The following CHST10 variants were observed in gnomAD, a reference collection of about 807,000 sequenced individuals.
CHST10 encodes the protein carbohydrate sulfotransferase 10, also known as HNK-1 sulfotransferase.
CHST10 carries 24 observed loss-of-function variants against 34.7 expected under a neutral mutation model. The observed-to-expected ratio is 0.69, with a 90% CI of 0.50 to 0.97. The LOEUF (loss-of-function observed/expected upper bound fraction) is 0.97. Among genes scored for constraint, CHST10 ranks in the 50% least tolerant of loss-of-function variants. CHST10 has a pLI of 0.00. For missense variants in CHST10, 402 were observed against 452.1 expected (o/e 0.89, Z 1.00); for synonymous variants, 161 against 169.3 (o/e 0.95, Z 0.38).
At chr2:100,411,426 G>A (rs1285794227) in intron 2 of CHST10, among the ~76,000 whole-genome samples, 1 of 152,108 alleles carries the variant, frequency 6.6e-6, no homozygotes, top group Non-Finnish European at 1.5e-5. Flanking sequence ...TAAAAATTTA[G>A]AAAACTGGGA....
At chr2:100,402,510 G>T in intron 4 of CHST10, 54 bp downstream of exon 4, 2 of 1,490,136 alleles carry the variant, frequency 1.3e-6, no homozygotes, top group Non-Finnish European at 1.9e-6. Context: ...CCAGCTCCCC[G>T]CGACAAGGGT....
In CHST10 at chr2:100,417,544, G is replaced by C. The variant is rs2104286584; in HGVS notation, c.-274C>G. ...CCGCGCCGCGGCCCGTCGGGTCCCG[G>C]GATGTGGCGGCGGCGGCAGCGGAAG... On this transcript the variant is annotated 5_prime_UTR_variant, in exon 1 of 7. Transcript: ENST00000264249. The C allele has an allele frequency of 6.6e-6, 1 of 152,022 alleles. No homozygotes were observed. Among genetic ancestry groups the C allele is most frequent in the Admixed American group, 6.6e-5 (1 of 15,254 alleles). The allele number at this position is 152,022 out of a possible 1,614,324, so 9.4% of individuals were successfully genotyped here. A position where few individuals can be genotyped will look rare whatever the true frequency, so the allele number is the denominator to read the frequency against.
rs370903480 is a variant in CHST10, at chr2:100,414,362, T to TCACACA, written c.-33+673_-33+678dup. On this transcript the variant is annotated intron_variant, in intron 2 of 6. Coordinates refer to ENST00000264249, the MANE Select transcript of CHST10 (RefSeq NM_004854.5). ...ACACAGCCAGACTCTAAAGGAAACT[T>TCACACA]CACACACACACACACACACAAAAAC... 1.2e-3 allele frequency among the ~76,000 whole-genome samples: 187 copies of TCACACA among 150,370 alleles called. 2 individuals are homozygous for TCACACA. Among genetic ancestry groups the TCACACA allele is most frequent in the African/African-American group, 4.2e-3 (170 of 40,938 alleles).
At chr2:100,404,865 G>C (rs1379376067) in intron 3 of CHST10, among the ~76,000 whole-genome samples, 1 of 152,178 alleles carries the variant, frequency 6.6e-6, no homozygotes, top group Non-Finnish European at 1.5e-5. Context: ...TTCCATACCA[G>C]GAGGTGACAT....
intron 6 of CHST10, among the ~76,000 whole-genome samples, chr2:100,394,312 G>A (rs1025885411): frequency 5.3e-5 from 8 of 152,274 alleles, no homozygotes; most frequent in Admixed American, 3.3e-4. Flanking sequence ...GCAAGCGGGC[G>A]GCAGCAGAGC....
Position 100,402,550 on chromosome 2 carries a change from C to A in CHST10, c.192+14G>T, listed in dbSNP as rs200674507. 6.2e-7 allele frequency: 1 copy of A among 1,611,908 alleles called. No individual in the cohort carries two copies. The highest frequency in any genetic ancestry group is 1.7e-5 in the Admixed American group (1 of 60,018). On this transcript the variant is annotated intron_variant, in intron 4 of 6. Transcript: ENST00000264249. Reference sequence around the variant, plus strand: ...TGTTCAAGAGGACAAGGACCACGGCCTGGCTGTGCCCACCTTCAGTTCCTC... The same window carrying A: ...TGTTCAAGAGGACAAGGACCACGGCATGGCTGTGCCCACCTTCAGTTCCTC...
At chr2:100,400,248 C>A (rs1675278648) in intron 4 of CHST10, among the ~76,000 whole-genome samples, 1 of 152,160 alleles carries the variant, frequency 6.6e-6, no homozygotes, top group Admixed American at 6.5e-5. Flanking sequence ...GACAAAAATT[C>A]TTCTTCTAAG....
chr2:100,394,114 C>A (rs1041085057), intron 6 of CHST10, among the ~76,000 whole-genome samples: 1 of 152,172 alleles, frequency 6.6e-6, no homozygotes, highest in South Asian at 2.1e-4. Context: ...AGAATGTTTA[C>A]AAATTTTGTT....
At chr2:100,414,674 T>C (rs1326189231) in intron 2 of CHST10, among the ~76,000 whole-genome samples, 2 of 152,228 alleles carry the variant, frequency 1.3e-5, no homozygotes, top group Non-Finnish European at 2.9e-5. Context: ...TTCTCTGTTG[T>C]CATCCTTACA....
intron 2 of CHST10, among the ~76,000 whole-genome samples, chr2:100,412,833 G>T (rs1675902284): frequency 6.6e-6 from 1 of 152,132 alleles, no homozygotes; most frequent in Non-Finnish European, 1.5e-5. Context: ...TTCCATCACT[G>T]CCTTCATCTT....
At position 100,415,098 on chromosome 2, in the gene CHST10, G is replaced by A. The variant is rs770717840; in HGVS notation, c.-90C>T. The A allele has an allele frequency of 7.7e-7, 1 of 1,298,978 alleles. No individual in the cohort carries two copies. The highest frequency in any genetic ancestry group is 5.6e-5 in the East Asian group (1 of 17,856). 80.5% of individuals were successfully genotyped at this position (1,298,978 alleles called of 1,614,324 possible). ...GTGTTTCCCCTGAACTGAGGTTCTT[G>A]GTTCCTCTTGTCACTGGATAGGAAA... On this transcript the variant is annotated 5_prime_UTR_variant, in exon 2 of 7. Transcript: ENST00000264249.
At chr2:100,408,636 C>G (rs1573195192) in intron 2 of CHST10, 1 of 151,908 alleles carries the variant, frequency 6.6e-6, no homozygotes, top group African/African-American at 2.4e-5. Context: ...AGTGTGGTTG[C>G]CAGAAATTAA....
rs1193451216 is a variant in CHST10, at chr2:100,402,575, C to T, written c.181G>A (p.Glu61Lys). The change falls in exon 4 of 7, where the codon GAG becomes AAG. Residue 61 changes from glutamate (E) to lysine (K), a missense_variant. Physicochemically the swap from Glu to Lys is moderately conservative, Grantham distance 56. Transcript: ENST00000264249. ...CTGGCTGTGCCCACCTTCAGTTCCTCAGGAATGTGCTTCTCTTCTGGCAAC... is the reference window on the plus strand; with the variant it reads ...CTGGCTGTGCCCACCTTCAGTTCCTTAGGAATGTGCTTCTCTTCTGGCAAC... ...RKLPEEKHIP[E>K]ELKPTGKELP... The T allele has an allele frequency of 6.2e-7, 1 of 1,613,732 alleles. No individual in the cohort carries two copies. Among genetic ancestry groups the T allele is most frequent in the Non-Finnish European group, 8.5e-7 (1 of 1,179,820 alleles).
intron 4 of CHST10, among the ~76,000 whole-genome samples, chr2:100,401,713 C>A (rs1022994860): frequency 7.9e-5 from 12 of 152,164 alleles, no homozygotes; most frequent in Admixed American, 3.9e-4. Flanking sequence ...ACTTGGCCTC[C>A]ATTCCATCAA....
intron 2 of CHST10, 74 bp from the exon 3 acceptor site, chr2:100,406,781 G>A: frequency 6.4e-7 from 1 of 1,559,482 alleles, no homozygotes; most frequent in East Asian, 2.3e-5. Context: ...AAAACGACAG[G>A]TGATTTCAGT....
At chr2:100,412,563 A>G (rs922682912) in intron 2 of CHST10, among the ~76,000 whole-genome samples, 2 of 152,180 alleles carry the variant, frequency 1.3e-5, no homozygotes, top group African/African-American at 4.8e-5. Flanking sequence ...GACTCTAATG[A>G]GCAGCTGGGA....
intron 3 of CHST10, among the ~76,000 whole-genome samples, chr2:100,403,510 G>C (rs531239678): frequency 4.1e-4 from 63 of 152,192 alleles, no homozygotes; most frequent in Non-Finnish European, 7.6e-4. Context: ...ACTAAAAAAA[G>C]TAAGTGTTGC....
intron 1 of CHST10, chr2:100,416,934 C>A: frequency 7.7e-7 from 1 of 1,301,788 alleles, no homozygotes; most frequent in Non-Finnish European, 1.0e-6. Context: ...GCTCAGGGCA[C>A]CCCGGGGCCC....
intron 2 of CHST10, among the ~76,000 whole-genome samples, chr2:100,410,482 C>T (rs115706209): frequency 2.9e-3 from 445 of 152,318 alleles, no homozygotes; most frequent in African/African-American, 0.01. Flanking sequence ...CATGAGCCAA[C>T]AATTGCTATT....
Sources: allele counts gnomAD v4.1 joint callset (sites outside exome capture counted in the v4.1 genomes callset), GRCh38; gene constraint gnomAD v4.1.1; transcripts MANE v1.5; gene names NCBI Gene and HGNC (gene_info 2026-07-23, HGNC 2026-07-21).